Variants in SCFD1 observed in about 807,000 individuals in gnomAD.
SCFD1 encodes sec1 family domain-containing protein 1.
Under a neutral mutation model 103.2 loss-of-function variants are expected in SCFD1, and 37 were observed. The observed-to-expected ratio is 0.36, with a 90% CI of 0.28 to 0.47. The LOEUF is 0.47. SCFD1 is among the 20% of genes least tolerant of loss of function. SCFD1 has a pLI of 1.00. For missense variants in SCFD1, 639 were observed against 761.2 expected, an observed-to-expected ratio of 0.84 and a Z score of 1.89; for synonymous variants, 264 against 245.0, an observed-to-expected ratio of 1.08 and a Z score of -0.73.
At chr14:30,643,045 T>C (rs1885444661) in intron 6 of SCFD1, among the ~76,000 whole-genome samples, 1 of 151,996 alleles carries the variant, frequency 6.6e-6, no homozygotes, top group South Asian at 2.1e-4. Flanking sequence ...TGGTGGCATG[T>C]GCCTGTGGTC....
intron 10 of SCFD1, among the ~76,000 whole-genome samples, chr14:30,666,013 G>T (rs1887929480): frequency 6.6e-6 from 1 of 152,162 alleles, no homozygotes; most frequent in Non-Finnish European, 1.5e-5. Flanking sequence ...CAACGAGACA[G>T]AAGGTTAACA....
chr14:30,727,848 G>A (rs540334148), intron 23 of SCFD1, among the ~76,000 whole-genome samples: 1 of 152,152 alleles, frequency 6.6e-6, no homozygotes, highest in South Asian at 2.1e-4. Context: ...TGATGTTGAG[G>A]TGGATAACTA....
chr14:30,623,093 A>G (rs1477723058), intron 1 of SCFD1, among the ~76,000 whole-genome samples: 1 of 152,184 alleles, frequency 6.6e-6, no homozygotes, highest in African/African-American at 2.4e-5. Context: ...TTTCCGTCTT[A>G]GAAATTAGTT....
intron 8 of SCFD1, among the ~76,000 whole-genome samples, chr14:30,650,329 G>A (rs1233169050): frequency 6.6e-6 from 1 of 152,154 alleles, no homozygotes; most frequent in Non-Finnish European, 1.5e-5. Context: ...GTCAATGAAA[G>A]GTTCTTCTTA....
intron 1 of SCFD1, among the ~76,000 whole-genome samples, chr14:30,624,836 G>A (rs1203127613): frequency 2.0e-5 from 3 of 151,912 alleles, no homozygotes; most frequent in Admixed American, 6.6e-5. Context: ...CCCTCTCCTT[G>A]AACCCACCAG....
chr14:30,676,714 A>T (rs916416405), intron 14 of SCFD1: 12 of 151,770 alleles, frequency 7.9e-5, no homozygotes, highest in Non-Finnish European at 1.8e-4. Flanking sequence ...GAATCAAAAA[A>T]AGTAGAAATT....
intron 14 of SCFD1, among the ~76,000 whole-genome samples, chr14:30,681,643 TTTTCTCACAGCCAAGATAAAAAAGAGAGA>T (rs1426152021): frequency 6.6e-6 from 1 of 151,406 alleles, no homozygotes; most frequent in African/African-American, 2.4e-5. Context: ...TGGCTTTGAA[TTTTCTCACAGCCAAGATAAAAAAGAGAGA>T]GATGATTAAG....
At chr14:30,634,300 A>T (rs1457815582) in intron 4 of SCFD1, among the ~76,000 whole-genome samples, 2 of 152,172 alleles carry the variant, frequency 1.3e-5, no homozygotes, top group Non-Finnish European at 2.9e-5. Context: ...TACTGAATAT[A>T]TTACAGTATT....
intron 10 of SCFD1, chr14:30,669,848 G>A (rs1367303690): frequency 1.3e-5 from 2 of 155,958 alleles, no homozygotes; most frequent in East Asian, 3.8e-4. Context: ...TTGGACTACT[G>A]TGTAGTTATG....
chr14:30,715,914 T>C lies in SCFD1; in HGVS notation c.1630-10T>C. Reference sequence around the variant, plus strand: ...AATATTCTAATATTTAACAAAATACTTTTCCACAGAATCTACCTGTTACTC... The same window carrying C: ...AATATTCTAATATTTAACAAAATACCTTTCCACAGAATCTACCTGTTACTC... On this transcript the variant is annotated splice_polypyrimidine_tract_variant and intron_variant, in intron 19 of 24. Coordinates refer to ENST00000458591, the MANE Select transcript of SCFD1 (RefSeq NM_016106.4). 6.6e-7 allele frequency: 1 copy of C among 1,504,220 alleles called. No individual in the cohort carries two copies. Among genetic ancestry groups the C allele is most frequent in the Non-Finnish European group, 9.1e-7 (1 of 1,101,756 alleles). The allele number at this position is 1,504,220 out of a possible 1,614,324, so 93.2% of individuals were successfully genotyped here. A position where few individuals can be genotyped will look rare whatever the true frequency, so the allele number is the denominator to read the frequency against.
At chr14:30,720,089 C>CT (rs2139406169) in intron 21 of SCFD1, among the ~76,000 whole-genome samples, 1 of 152,264 alleles carries the variant, frequency 6.6e-6, no homozygotes, top group Admixed American at 6.5e-5. Context: ...TTTACATTTG[C>CT]TGTATCCCAA....
intron 14 of SCFD1, chr14:30,683,163 T>C (rs1019408136): frequency 2.7e-6 from 3 of 1,112,000 alleles, no homozygotes; most frequent in Non-Finnish European, 2.7e-6. Context: ...AATGTTGGGT[T>C]CTCCTAGTAG....
chr14:30,650,486 A>G (rs1886294876), intron 8 of SCFD1, 79 bp from the exon 9 acceptor site: 1 of 830,130 alleles, frequency 1.2e-6, no homozygotes, highest in Non-Finnish European at 2.0e-6. Flanking sequence ...TTGGTTATGA[A>G]ACTAAAAACA....
chr14:30,671,104 C>T lies in SCFD1; in HGVS notation c.995+709C>T, dbSNP rs1888498906. On this transcript the variant is annotated intron_variant, in intron 11 of 24. Coordinates refer to ENST00000458591, the MANE Select transcript of SCFD1 (RefSeq NM_016106.4). ...AAATATTTCAAAATGTGTGTGTGTC[C>T]TTGATATAGCTGTTCTTTTTGGGCT... is the stretch of plus-strand genomic sequence containing the variant. Among the ~76,000 whole-genome samples the T allele has an allele frequency of 1.3e-5, 2 of 151,956 alleles. 1 individual carries two copies. Among genetic ancestry groups the T allele is most frequent in the South Asian group, 4.1e-4 (2 of 4,822 alleles).
At position 30,734,555 on chromosome 14, in the gene SCFD1, AC is replaced by A. The variant is rs1445532160; in HGVS notation, c.1837-233del. On this transcript the variant is annotated intron_variant, in intron 23 of 24. Coordinates refer to ENST00000458591, the MANE Select transcript of SCFD1 (RefSeq NM_016106.4). Reference sequence around the variant, plus strand: ...TATTTTTAGTGTAATAGGAAATGGCACCAATAGTATGCCATAGTATATATTT... The same window carrying A: ...TATTTTTAGTGTAATAGGAAATGGCACAATAGTATGCCATAGTATATATTT... The A allele has an allele frequency of 1.3e-5, 6 of 453,720 alleles. No individual in the cohort carries two copies. The East Asian group carries it at 2.2e-4, about 17-fold the overall frequency. The allele number at this position is 453,720 out of a possible 1,614,324, so 28.1% of individuals were successfully genotyped here.
chr14:30,670,526 G>T, intron 11 of SCFD1, 131 bp downstream of exon 11: 1 of 553,388 alleles, frequency 1.8e-6, no homozygotes. Flanking sequence ...GCTGTAATTA[G>T]ATAGTCTGTA....
At chr14:30,638,860 A>C (rs1166844300) in intron 5 of SCFD1, among the ~76,000 whole-genome samples, 1 of 152,224 alleles carries the variant, frequency 6.6e-6, no homozygotes. Flanking sequence ...CAAGATATGC[A>C]TTAAAGTTCC....
intron 16 of SCFD1, among the ~76,000 whole-genome samples, chr14:30,701,601 CA>C (rs1891084953): frequency 2.0e-5 from 3 of 151,944 alleles, no homozygotes; most frequent in Non-Finnish European, 4.4e-5. Flanking sequence ...CTATATATCT[CA>C]GGGTATTCTA....
Position 30,715,948 on chromosome 14 carries a change from G to C in SCFD1, c.1654G>C (p.Asp552His). The C allele has an allele frequency of 6.4e-7, 1 of 1,563,292 alleles. No homozygotes were observed. The highest frequency in any genetic ancestry group is 8.7e-7 in the Non-Finnish European group (1 of 1,149,014). ...QQNLPVTRILDNLMEMKSNPE... is the reference protein window; with the variant it reads ...QQNLPVTRILHNLMEMKSNPE... ...GAATCTACCTGTTACTCGTATTTTG[G>C]ACAATCTTATGGAGATGAAGTCAAA... The change falls in exon 20 of 25, where the codon GAC becomes CAC. Residue 552 changes from aspartate to histidine, a missense_variant. Coordinates refer to ENST00000458591, the MANE Select transcript of SCFD1 (RefSeq NM_016106.4).
Sources: gnomAD v4.1 joint callset for allele counts (sites outside exome capture counted in the v4.1 genomes callset) on GRCh38, gnomAD v4.1.1 for gene constraint, MANE v1.5 for transcripts, NCBI Gene and HGNC (gene_info 2026-07-23, HGNC 2026-07-21) for gene names.